Variants in B3GALT1 observed in about 807,000 individuals in gnomAD.
The protein encoded by B3GALT1 is UDP-Gal:betaGlcNAc beta 1,3-galactosyltransferase, polypeptide 1.
A neutral mutation model predicts 23.2 loss-of-function variants in B3GALT1; 10 were observed. The ratio of observed to expected loss-of-function variants is 0.43; its 90% CI spans 0.27 to 0.73. The LOEUF is 0.73. Among genes scored for constraint, B3GALT1 ranks in the 30% least tolerant of loss-of-function variants. The pLI is 0.21. For synonymous variants in B3GALT1, 156 were observed against 141.5 expected (o/e 1.10, Z -0.73); for missense variants, 299 against 405.4 (o/e 0.74, Z 2.25).
intron 2 of B3GALT1, among the ~76,000 whole-genome samples, chr2:167,622,089 C>G (rs770616271): frequency 6.6e-6 from 1 of 152,074 alleles, no homozygotes; most frequent in Non-Finnish European, 1.5e-5. Flanking sequence ...AAATTGTTAC[C>G]CTTTTCTTCT....
intron 1 of B3GALT1, among the ~76,000 whole-genome samples, chr2:167,386,694 G>A (rs892779319): frequency 3.3e-5 from 5 of 152,150 alleles, no homozygotes; most frequent in African/African-American, 1.2e-4. Flanking sequence ...ATCAGTGTCT[G>A]ACATGCAAAT....
At chr2:167,676,085 C>G (rs946740767) in intron 3 of B3GALT1, among the ~76,000 whole-genome samples, 1 of 151,962 alleles carries the variant, frequency 6.6e-6, no homozygotes, top group Non-Finnish European at 1.5e-5. Context: ...AGACCACGCC[C>G]CTCCCGATGC....
chr2:167,756,286 A>G (rs1288342298), intron 3 of B3GALT1, among the ~76,000 whole-genome samples: 2 of 152,182 alleles, frequency 1.3e-5, no homozygotes, highest in Non-Finnish European at 2.9e-5. Context: ...TATGAAGGCA[A>G]TGAGACCACC....
chr2:167,383,530 A>G (rs564454139), intron 1 of B3GALT1, among the ~76,000 whole-genome samples: 4 of 152,174 alleles, frequency 2.6e-5, no homozygotes, highest in Non-Finnish European at 4.4e-5. Context: ...ACTGCCTCTG[A>G]ATTTCTTTCC....
chr2:167,702,415 G>A lies in B3GALT1; in HGVS notation c.-352+55449G>A, dbSNP rs73971231. Among the ~76,000 whole-genome samples the A allele has an allele frequency of 6.5e-3, 991 of 152,292 alleles. 9 individuals carry two copies. Among genetic ancestry groups the A allele is most frequent in the African/African-American group, 0.022 (934 of 41,548 alleles). ...TCTGGATGAGGATGATTAAAATAAT[G>A]TGCATATATGTTGAAGGGCAGAGGA... On this transcript the variant is annotated intron_variant, in intron 3 of 4. Transcript: ENST00000392690.
At chr2:167,377,169 A>G (rs975313237) in intron 1 of B3GALT1, among the ~76,000 whole-genome samples, 1 of 152,042 alleles carries the variant, frequency 6.6e-6, no homozygotes, top group Non-Finnish European at 1.5e-5. Context: ...GTATTGATTT[A>G]TATTTTCATT....
intron 1 of B3GALT1, among the ~76,000 whole-genome samples, chr2:167,369,566 G>A (rs1038601664): frequency 6.6e-6 from 1 of 152,140 alleles, no homozygotes; most frequent in African/African-American, 2.4e-5. Flanking sequence ...ACTGAGCTGC[G>A]AAATAGTTGA....
chr2:167,803,448 A>G (rs1040833967), intron 3 of B3GALT1, among the ~76,000 whole-genome samples: 2 of 152,190 alleles, frequency 1.3e-5, no homozygotes, highest in African/African-American at 4.8e-5. Context: ...TAGTGTGGGC[A>G]TATGTGGAGT....
At chr2:167,303,530 C>G (rs923724182) in intron 1 of B3GALT1, among the ~76,000 whole-genome samples, 13 of 152,010 alleles carry the variant, frequency 8.6e-5, no homozygotes, top group African/African-American at 2.7e-4. Flanking sequence ...AGACTGTCCT[C>G]ATCAGTATGA....
At chr2:167,480,853 G>T (rs1291334647) in intron 1 of B3GALT1, among the ~76,000 whole-genome samples, 1 of 151,928 alleles carries the variant, frequency 6.6e-6, no homozygotes, top group Non-Finnish European at 1.5e-5. Context: ...GCAGGTTCAG[G>T]GAAGACGGCA....
rs145995682 is a variant in B3GALT1, at chr2:167,830,068, T to C, written c.-230+11275T>C. 2.2e-3 allele frequency among the ~76,000 whole-genome samples: 337 copies of C among 152,342 alleles called. No homozygotes were observed. In the Middle Eastern group the frequency reaches 0.024, roughly 11 times the overall value. ...AAAGCAGTGTTTTCCTCACCAAGCA[T>C]TGACATTTGTGTGGAAGTCCTGTTG... On this transcript the variant is annotated intron_variant, in intron 4 of 4. Coordinates refer to ENST00000392690, the MANE Select transcript of B3GALT1 (RefSeq NM_020981.4).
chr2:167,832,727 A>T (rs887469378), intron 4 of B3GALT1, among the ~76,000 whole-genome samples: 3 of 152,274 alleles, frequency 2.0e-5, no homozygotes, highest in African/African-American at 7.2e-5. Flanking sequence ...TCAAATGGTT[A>T]GATTTTAAAC....
At chr2:167,792,051 T>C (rs1209102226) in intron 3 of B3GALT1, among the ~76,000 whole-genome samples, 1 of 151,424 alleles carries the variant, frequency 6.6e-6, no homozygotes, top group East Asian at 1.9e-4. Flanking sequence ...TGAACGATTT[T>C]CCAAAACAAG....
At chr2:167,759,841 T>C (rs957820327) in intron 3 of B3GALT1, among the ~76,000 whole-genome samples, 10 of 152,178 alleles carry the variant, frequency 6.6e-5, no homozygotes, top group African/African-American at 2.2e-4. Context: ...TATCTTGTTA[T>C]AATAGGAGAG....
At chr2:167,346,837 A>G (rs1697229743) in intron 1 of B3GALT1, among the ~76,000 whole-genome samples, 1 of 151,906 alleles carries the variant, frequency 6.6e-6, no homozygotes, top group Non-Finnish European at 1.5e-5. Context: ...GTCTGAACGA[A>G]TCATTCTGGT....
intron 2 of B3GALT1, among the ~76,000 whole-genome samples, chr2:167,600,163 C>G (rs1367150600): frequency 6.6e-6 from 1 of 151,968 alleles, no homozygotes; most frequent in Non-Finnish European, 1.5e-5. Flanking sequence ...GTGAAATGAC[C>G]TTCAAAATCA....
chr2:167,524,855 G>C (rs1683193834), intron 2 of B3GALT1, among the ~76,000 whole-genome samples: 1 of 152,162 alleles, frequency 6.6e-6, no homozygotes, highest in Non-Finnish European at 1.5e-5. Context: ...ACATGTTTTA[G>C]AGACGTTTTC....
intron 3 of B3GALT1, among the ~76,000 whole-genome samples, chr2:167,660,117 T>C (rs1475707402): frequency 6.6e-6 from 1 of 152,090 alleles, no homozygotes; most frequent in Non-Finnish European, 1.5e-5. Flanking sequence ...TATCAGGATG[T>C]TTTGGCAGGA....
At chr2:167,863,986 A>ATGTGTG (rs1182774237) in intron 4 of B3GALT1, among the ~76,000 whole-genome samples, 23 of 132,202 alleles carry the variant, frequency 1.7e-4, no homozygotes, top group African/African-American at 5.4e-4. Flanking sequence ...GCATGCATGT[A>ATGTGTG]TGTATGTGTG....
Sources: allele counts gnomAD v4.1 joint callset (sites outside exome capture counted in the v4.1 genomes callset), GRCh38; gene constraint gnomAD v4.1.1; transcripts MANE v1.5; gene names NCBI Gene and HGNC (gene_info 2026-07-23, HGNC 2026-07-21).